Variants in GP2 observed in about 807,000 individuals in gnomAD.
GP2 encodes pancreatic secretory granule membrane major glycoprotein GP2.
In GP2, 58 loss-of-function variants were observed where a neutral mutation model predicts 60.8. The ratio of observed to expected loss-of-function variants is 0.95; its 90% confidence interval spans 0.77 to 1.19. The LOEUF (loss-of-function observed/expected upper bound fraction) is 1.19. Among genes scored for constraint, GP2 ranks in the 50% most tolerant of loss-of-function variants. GP2 has a pLI of 0.00. For synonymous variants in GP2, 280 were observed against 253.4 expected, an observed-to-expected ratio of 1.10 and a Z score of -1.00; for missense variants, 647 against 667.4, an observed-to-expected ratio of 0.97 and a Z score of 0.34.
Position 20,320,403 on chromosome 16 carries a change from C to A in GP2, c.717G>T (p.Leu239Phe), listed in dbSNP as rs1327766131. ...CCTCCCCCAAACCCAGGCCTCCCAG[C>A]AAACATTTGTCCACCTTCACCTTGA... ...REIKVKVDKC[L>F]LGGLGLGEEV... Residue 239 changes from leucine to phenylalanine, a missense_variant, in exon 5 of 11, where the codon TTG becomes TTT. By Grantham distance (22) the Leu-to-Phe change is conservative (BLOSUM62 0). Transcript: ENST00000302555. 1 of 1,614,048 alleles carries A rather than the reference C, an allele frequency of 6.2e-7. No homozygotes were observed. Among genetic ancestry groups the A allele is most frequent in the East Asian group, 2.2e-5 (1 of 44,872 alleles).
chr16:20,323,470 T>A (rs575647156), intron 3 of GP2: 1 of 693,688 alleles, frequency 1.4e-6, no homozygotes, highest in South Asian at 1.5e-5. Context: ...ATGTATTAGC[T>A]GTTATTTTTG....
chr16:20,310,271 G>A lies in GP2; in HGVS notation c.*952C>T, dbSNP rs1963960630. 1 of 152,220 alleles carries A rather than the reference G, an allele frequency of 6.6e-6. No individual in the cohort carries two copies. Among genetic ancestry groups the A allele is most frequent in the Non-Finnish European group, 1.5e-5 (1 of 68,058 alleles). The allele number at this position is 152,220 out of a possible 1,614,324, so 9.4% of individuals were successfully genotyped here. On this transcript the variant is annotated 3_prime_UTR_variant, in exon 11 of 11. Transcript: ENST00000302555. ...TACAGTGAGAGGTACTCCCTTGGGTGATGGAGTTTCTGCATCAAATTAAGT... is the reference window on the plus strand; with the variant it reads ...TACAGTGAGAGGTACTCCCTTGGGTAATGGAGTTTCTGCATCAAATTAAGT...
intron 6 of GP2, 38 bp from the exon 7 acceptor site, chr16:20,318,468 G>A (rs1231170287): frequency 6.3e-7 from 1 of 1,598,804 alleles, no homozygotes; most frequent in East Asian, 2.2e-5. Context: ...AAACCTCAGA[G>A]AACAACATAA....
chr16:20,312,898 T>G, intron 10 of GP2, among the ~76,000 whole-genome samples: 1 of 152,110 alleles, frequency 6.6e-6, no homozygotes, highest in East Asian at 1.9e-4. Flanking sequence ...GGTCTGCCTG[T>G]CTTGGCCTCC....
At chr16:20,322,788 C>T in intron 4 of GP2, 81 bp downstream of exon 4, 1 of 768,852 alleles carries the variant, frequency 1.3e-6, no homozygotes. Flanking sequence ...CTGCTTTATA[C>T]CTTATCTTGA....
At chr16:20,323,087 G>GTTGTGTGA in intron 3 of GP2, 108 bp from the exon 4 acceptor site, 1 of 664,500 alleles carries the variant, frequency 1.5e-6, no homozygotes, top group Non-Finnish European at 2.7e-6. Flanking sequence ...TCTTGCCAAG[G>GTTGTGTGA]TTGTGTGATA....
In GP2 at chr16:20,319,755, T is replaced by G; in HGVS notation, c.872A>C (p.His291Pro). 3 of 1,613,334 alleles carry G rather than the reference T, an allele frequency of 1.9e-6. No homozygotes were observed. The highest frequency in any genetic ancestry group is 2.5e-6 in the Non-Finnish European group (3 of 1,179,236). Residue 291 changes from histidine to proline, a missense_variant, in exon 6 of 11, where the codon CAT (histidine) becomes CCT (proline). Coordinates refer to ENST00000302555, the MANE Select transcript of GP2 (RefSeq NM_001502.4). ...GGAGAGGGTGTTTTTGTAGATGGCATGGGTTTGATTTCTCTTTGGCAAAAA... is the reference window on the plus strand; with the variant it reads ...GGAGAGGGTGTTTTTGTAGATGGCAGGGGTTTGATTTCTCTTTGGCAAAAA... ...CRNILERNQT[H>P]AIYKNTLSLV...
Position 20,323,957 on chromosome 16 carries a change from T to G in GP2, c.394A>C (p.Ile132Leu). Reference protein sequence around the residue: ...NGTHPALGDGITNHTACAHWS... With the variant: ...NGTHPALGDGLTNHTACAHWS... Reference sequence around the variant, plus strand: ...TGGGCACAGGCAGTGTGGTTGGTGATGCCATCCCCAAGGGCAGGGTGGGTC... The same window carrying G: ...TGGGCACAGGCAGTGTGGTTGGTGAGGCCATCCCCAAGGGCAGGGTGGGTC... Residue 132 changes from isoleucine to leucine, a missense_variant, in exon 3 of 11, where the codon ATC (isoleucine) becomes CTC (leucine). Transcript: ENST00000302555. 1 of 1,614,196 alleles carries G rather than the reference T, an allele frequency of 6.2e-7. No individual in the cohort carries two copies.
chr16:20,311,390 C>A (rs1178886314), intron 10 of GP2, 109 bp from the exon 11 acceptor site: 1 of 724,282 alleles, frequency 1.4e-6, no homozygotes, highest in Non-Finnish European at 2.6e-6. Context: ...GGCAAAGCAT[C>A]TTTGATATCT....
rs1026710055 is a variant in GP2 at position 20,323,383 on chromosome 16, C to T, written c.536-404G>A. 19 of 718,354 alleles carry T rather than the reference C, an allele frequency of 2.6e-5. 1 individual carries two copies. The highest frequency in any genetic ancestry group is 2.6e-4 in the Admixed American group (13 of 50,000). 44.5% of individuals were successfully genotyped at this position (718,354 alleles called of 1,614,324 possible). On this transcript the variant is annotated intron_variant, in intron 3 of 10. Transcript: ENST00000302555. Reference sequence around the variant, plus strand: ...TGGGGTAATTAGGTAGCACTTACCTCGTGGAACTGGGGAGAGGATCAAATG... The same window carrying T: ...TGGGGTAATTAGGTAGCACTTACCTTGTGGAACTGGGGAGAGGATCAAATG...
chr16:20,316,095 T>C, intron 8 of GP2, 55 bp from the exon 9 acceptor site: 1 of 1,141,272 alleles, frequency 8.8e-7, no homozygotes, highest in Non-Finnish European at 1.3e-6. Context: ...GGATTCTATC[T>C]AGACTGCTCC....
chr16:20,321,102 G>A (rs1270479795), intron 4 of GP2, among the ~76,000 whole-genome samples: 1 of 147,258 alleles, frequency 6.8e-6, no homozygotes, highest in Non-Finnish European at 1.5e-5. Context: ...CCAGGCTGGA[G>A]TGCAGTGGTC....
In GP2 at chr16:20,314,664, G is replaced by A. The variant is rs1352884953; in HGVS notation, c.1539C>T (p.Ser513=). Residue 513 remains serine, a synonymous_variant, in exon 10 of 11, where the codon AGC becomes AGT. Coordinates refer to ENST00000302555, the MANE Select transcript of GP2 (RefSeq NM_001502.4). The stretch of plus-strand genomic sequence containing the variant: ...CATGAGAAAATGATGTACCTGCAGT[G>A]CTAGGGGTTCCATTCATGACACCGG... ...QSPGVMNGTP[S]TAGFLVAWPM... is the part of the protein sequence containing the mutation. The A allele has an allele frequency of 8.1e-6, 13 of 1,598,896 alleles. No individual in the cohort carries two copies. Among genetic ancestry groups the A allele is most frequent in the Non-Finnish European group, 1.1e-5 (13 of 1,166,192 alleles).
intron 4 of GP2, 80 bp downstream of exon 4, chr16:20,322,789 C>T: frequency 1.3e-6 from 1 of 774,472 alleles, no homozygotes; most frequent in Non-Finnish European, 2.3e-6. Context: ...TGCTTTATAC[C>T]TTATCTTGAC....
chr16:20,310,951 T>G lies in GP2; in HGVS notation c.*272A>C. ...TTTGTATTTTTAGTAGAGACGGAGT[T>G]TCAGCATTTTGGCCAGGCTGATTTT... On this transcript the variant is annotated 3_prime_UTR_variant, in exon 11 of 11. Coordinates refer to ENST00000302555, the MANE Select transcript of GP2 (RefSeq NM_001502.4). 3.9e-6 allele frequency: 1 copy of G among 253,378 alleles called. No homozygotes were observed. Among genetic ancestry groups the G allele is most frequent in the Non-Finnish European group, 7.7e-6 (1 of 129,636 alleles). The allele number at this position is 253,378 out of a possible 1,614,324, so 15.7% of individuals were successfully genotyped here.
chr16:20,324,799 A>C (rs1222427743), intron 2 of GP2, among the ~76,000 whole-genome samples: 1 of 152,254 alleles, frequency 6.6e-6, no homozygotes, highest in African/African-American at 2.4e-5. Flanking sequence ...ACTTAATATA[A>C]CATAGACATT....
rs770858674 is a variant in GP2 at position 20,323,934 on chromosome 16, G to C, written c.417C>G (p.Ala139=). The C allele has an allele frequency of 3.7e-6, 6 of 1,613,958 alleles. No individual in the cohort carries two copies. Among genetic ancestry groups the C allele is most frequent in the Non-Finnish European group, 5.1e-6 (6 of 1,179,814 alleles). The part of the protein sequence containing the change: ...GDGITNHTAC[A]HWSGNCCFWK... Reference sequence around the variant, plus strand: ...AGAAACAGCAGTTGCCACTCCAATGGGCACAGGCAGTGTGGTTGGTGATGC... The same window carrying C: ...AGAAACAGCAGTTGCCACTCCAATGCGCACAGGCAGTGTGGTTGGTGATGC... Residue 139 remains alanine (A), a synonymous_variant, in exon 3 of 11, where the codon GCC becomes GCG. Transcript: ENST00000302555.
chr16:20,321,049 CTCTT>C (rs941872517), intron 4 of GP2, among the ~76,000 whole-genome samples: 4 of 131,100 alleles, frequency 3.1e-5, no homozygotes, highest in African/African-American at 1.1e-4. Context: ...CTCTCTGTCT[CTCTT>C]TTTTTTTTTT....
At chr16:20,324,370 AC>A in intron 2 of GP2, 114 bp from the exon 3 acceptor site, 1 of 634,018 alleles carries the variant, frequency 1.6e-6, no homozygotes, top group South Asian at 2.0e-5. Context: ...AGGACAATAC[AC>A]ACACGGTCCA....
Sources: allele counts gnomAD v4.1 joint callset (sites outside exome capture counted in the v4.1 genomes callset), GRCh38; gene constraint gnomAD v4.1.1; transcripts MANE v1.5; gene names NCBI Gene and HGNC (gene_info 2026-07-23, HGNC 2026-07-21).